SLC5A7: variants seen among roughly 807,000 people sequenced by gnomAD.
The protein encoded by SLC5A7 is high affinity choline transporter 1.
Under a neutral mutation model 55.4 loss-of-function variants are expected in SLC5A7, and 19 were observed. The observed-to-expected ratio is 0.34, with a 90% CI of 0.24 to 0.50. SLC5A7 has a LOEUF of 0.50. Among genes scored for constraint, SLC5A7 ranks in the 20% least tolerant of loss-of-function variants. The pLI, the probability that SLC5A7 is intolerant of heterozygous loss-of-function variation, is 0.98. For synonymous variants in SLC5A7, 265 were observed against 263.7 expected (o/e 1.00, Z -0.05); for missense variants, 506 against 705.3 (o/e 0.72, Z 3.20).
intron 4 of SLC5A7, among the ~76,000 whole-genome samples, chr2:107,995,462 A>AGTGTGTGTGT (rs1265286737): frequency 2.3e-5 from 3 of 127,692 alleles, no homozygotes; most frequent in African/African-American, 8.2e-5. Flanking sequence ...AGAGAGAGAG[A>AGTGTGTGTGT]GAGAGAGAGT....
At chr2:108,006,377 ATTT>A (rs35756712) in intron 7 of SLC5A7, among the ~76,000 whole-genome samples, 175 bp downstream of exon 7, 16 of 119,290 alleles carry the variant, frequency 1.3e-4, no homozygotes, top group Admixed American at 2.6e-4. Context: ...AGCGGCCTCC[ATTT>A]TTTTTTTTTT....
At chr2:107,992,850 C>G in intron 3 of SLC5A7, 122 bp from the exon 4 acceptor site, 4 of 1,004,584 alleles carry the variant, frequency 4.0e-6, no homozygotes, top group Non-Finnish European at 5.9e-6. Context: ...TGTGTGCAGA[C>G]TTGTTCCTCA....
chr2:108,008,158 A>C (rs1398204568), intron 7 of SLC5A7, among the ~76,000 whole-genome samples: 1 of 152,202 alleles, frequency 6.6e-6, no homozygotes, highest in East Asian at 1.9e-4. Context: ...ATACTCTAGA[A>C]TTCTGTTTAT....
chr2:107,995,466 AGAGAGTGTGTGTGT>A (rs1262020067), intron 4 of SLC5A7, among the ~76,000 whole-genome samples: 2 of 127,334 alleles, frequency 1.6e-5, no homozygotes, highest in Non-Finnish European at 3.3e-5. Context: ...AGAGAGAGAG[AGAGAGTGTGTGTGT>A]GTGTGTGTGT....
chr2:107,992,343 TC>T (rs1677482814), intron 3 of SLC5A7, 124 bp downstream of exon 3: 1 of 519,496 alleles, frequency 1.9e-6, no homozygotes, highest in Admixed American at 3.4e-5. Flanking sequence ...TCCCCAGAGA[TC>T]TTTAAGGAGT....
intron 3 of SLC5A7, 69 bp downstream of exon 3, chr2:107,992,288 T>A: frequency 1.1e-6 from 1 of 901,278 alleles, no homozygotes; most frequent in Non-Finnish European, 1.7e-6. Context: ...AAATAACAAG[T>A]GGAATAACAA....
intron 5 of SLC5A7, among the ~76,000 whole-genome samples, chr2:108,001,009 C>T (rs1490357782): frequency 6.8e-6 from 1 of 146,572 alleles, no homozygotes; most frequent in Non-Finnish European, 1.5e-5. Flanking sequence ...CTCACTGCAA[C>T]CTCTGCCTCC....
intron 6 of SLC5A7, among the ~76,000 whole-genome samples, chr2:108,005,813 A>G (rs928104662): frequency 6.6e-6 from 1 of 152,200 alleles, no homozygotes; most frequent in Non-Finnish European, 1.5e-5. Context: ...AAAGTTGCCA[A>G]CTTGATACCT....
rs1052845456 is a variant in SLC5A7 at position 108,002,190 on chromosome 2, G to A, written c.741+150G>A. 12 of 923,972 alleles carry A rather than the reference G, an allele frequency of 1.3e-5. No homozygotes were observed. The African/African-American group carries it at 2.0e-4, about 16-fold the overall frequency. 57.2% of individuals were successfully genotyped at this position (923,972 alleles called of 1,614,324 possible). On this transcript the variant is annotated intron_variant, in intron 6 of 8. Coordinates refer to ENST00000264047, the MANE Select transcript of SLC5A7 (RefSeq NM_021815.5). ...ACTCTCTATCGGGAGGGTGGAGCCAGGGCCGGACTATCGTGGCTGGCAGTG... is the reference window on the plus strand; with the variant it reads ...ACTCTCTATCGGGAGGGTGGAGCCAAGGCCGGACTATCGTGGCTGGCAGTG...
rs536710088 is a variant in SLC5A7, at chr2:107,989,856, T to G, written c.178+1523T>G. Among the ~76,000 whole-genome samples, 6 of 152,324 alleles carry G rather than the reference T, an allele frequency of 3.9e-5. No homozygotes were observed. In the East Asian group the frequency reaches 1.2e-3, roughly 29 times the overall value. ...TTTAATATGGTCATAAAAATAATAT[T>G]TTATATTTTGTTTTTACCATTTAGA... is the stretch of plus-strand genomic sequence containing the variant. On this transcript the variant is annotated intron_variant, in intron 2 of 8. Transcript: ENST00000264047.
At chr2:108,003,532 G>T (rs1157950123) in intron 6 of SLC5A7, among the ~76,000 whole-genome samples, 1 of 152,184 alleles carries the variant, frequency 6.6e-6, no homozygotes, top group African/African-American at 2.4e-5. Context: ...TTGAAATGTT[G>T]CATCAATGGT....
Position 108,004,561 on chromosome 2 carries a change from A to C in SLC5A7, c.742-1488A>C, listed in dbSNP as rs926486661. Reference sequence around the variant, plus strand: ...ATTGTGCTATGGCAACTCATTTATCAATTCATTCATTCATTCATGTGACCA... The same window carrying C: ...ATTGTGCTATGGCAACTCATTTATCCATTCATTCATTCATTCATGTGACCA... On this transcript the variant is annotated intron_variant, in intron 6 of 8. Transcript: ENST00000264047. Among the ~76,000 whole-genome samples, 4 of 152,164 alleles carry C rather than the reference A, an allele frequency of 2.6e-5. No individual in the cohort carries two copies. The South Asian group carries it at 8.4e-4, about 32-fold the overall frequency.
chr2:107,990,486 C>A (rs1334087717), intron 2 of SLC5A7, among the ~76,000 whole-genome samples: 2 of 151,842 alleles, frequency 1.3e-5, no homozygotes, highest in Non-Finnish European at 2.9e-5. Context: ...GAATTCATTT[C>A]TTCAGCTCAT....
intron 2 of SLC5A7, among the ~76,000 whole-genome samples, chr2:107,991,103 T>G (rs1188077882): frequency 2.6e-5 from 4 of 152,208 alleles, no homozygotes; most frequent in African/African-American, 7.2e-5. Flanking sequence ...TACTGTTTCC[T>G]CAGAGAAAAT....
intron 5 of SLC5A7, among the ~76,000 whole-genome samples, chr2:108,000,925 C>CTTT (rs1170263457): frequency 7.0e-4 from 79 of 112,494 alleles, no homozygotes; most frequent in African/African-American, 8.9e-4. Context: ...TAATACAATT[C>CTTT]TTTTTTTTTT....
chr2:108,001,400 G>A lies in SLC5A7; in HGVS notation c.598-497G>A, dbSNP rs547418204. 2.8e-4 allele frequency among the ~76,000 whole-genome samples: 42 copies of A among 152,204 alleles called. No individual in the cohort carries two copies. In the Middle Eastern group the frequency reaches 0.014, roughly 49 times the overall value. ...ATAGAAATAGTCAATGTGGCCGGGC[G>A]CGGTGGCTCACGCCTGTAATCCCAG... On this transcript the variant is annotated intron_variant, in intron 5 of 8. Transcript: ENST00000264047.
intron 6 of SLC5A7, among the ~76,000 whole-genome samples, chr2:108,003,193 A>G (rs1191729706): frequency 6.6e-6 from 1 of 152,190 alleles, no homozygotes; most frequent in Non-Finnish European, 1.5e-5. Context: ...AAATATGTAT[A>G]TGTAACTATA....
chr2:107,987,876 CG>C (rs943023123), intron 1 of SLC5A7, among the ~76,000 whole-genome samples: 1 of 152,010 alleles, frequency 6.6e-6, no homozygotes, highest in African/African-American at 2.4e-5. Context: ...ACTACATTTC[CG>C]TTTTTTTTTC....
chr2:107,991,101 C>T (rs1474646298), intron 2 of SLC5A7, among the ~76,000 whole-genome samples: 1 of 152,116 alleles, frequency 6.6e-6, no homozygotes, highest in Admixed American at 6.5e-5. Context: ...TATACTGTTT[C>T]CTCAGAGAAA....
Sources: allele counts gnomAD v4.1 joint callset (sites outside exome capture counted in the v4.1 genomes callset), GRCh38; gene constraint gnomAD v4.1.1; transcripts MANE v1.5; gene names NCBI Gene and HGNC (gene_info 2026-07-23, HGNC 2026-07-21).